The following NTRK3 variants were observed in gnomAD, a reference collection of about 807,000 sequenced individuals.
NTRK3 encodes NT-3 growth factor receptor.
NTRK3 carries 24 observed loss-of-function variants against 91.7 expected under a neutral mutation model. The observed-to-expected ratio is 0.26, with a 90% CI of 0.19 to 0.37. The LOEUF is 0.37. Among genes scored for constraint, NTRK3 ranks in the 10% least tolerant of loss-of-function variants. The pLI is 1.00. For missense variants in NTRK3, 880 were observed against 1,068.9 expected (o/e 0.82, Z 2.46); for synonymous variants, 483 against 404.0 (o/e 1.20, Z -2.34).
chr15:87,932,919 T>G, intron 16 of NTRK3, 93 bp downstream of exon 16: 1 of 1,255,708 alleles, frequency 8.0e-7, no homozygotes, highest in Non-Finnish European at 1.2e-6. Flanking sequence ...AGGAAAGTGT[T>G]TAGAGGGGGT....
chr15:88,256,405 C>T (rs928833984), exon 2 of NTRK3: 4 of 566,316 alleles, frequency 7.1e-6, no homozygotes, highest in Non-Finnish European at 1.2e-5. Flanking sequence ...CGCGGTCTGC[C>T]GGGCATGGTG....
At chr15:87,869,055 T>G in exon 19 of NTRK3, 1 of 229,086 alleles carries the variant, frequency 4.4e-6, no homozygotes, top group Non-Finnish European at 8.7e-6. Flanking sequence ...CATTAAGATA[T>G]GCTGTGAAAC....
chr15:88,129,750 C>G (rs1241722174), intron 10 of NTRK3, among the ~76,000 whole-genome samples: 1 of 152,130 alleles, frequency 6.6e-6, no homozygotes, highest in Non-Finnish European at 1.5e-5. Flanking sequence ...TCTCAATAGC[C>G]AAATGTAGGA....
chr15:87,899,075 T>A (rs1047069096), intron 17 of NTRK3, among the ~76,000 whole-genome samples: 1 of 152,130 alleles, frequency 6.6e-6, no homozygotes, highest in Non-Finnish European at 1.5e-5. Context: ...AGCCCAGTCA[T>A]TGGGATGAAT....
chr15:88,093,493 T>G (rs1484902895), intron 13 of NTRK3, among the ~76,000 whole-genome samples: 1 of 152,182 alleles, frequency 6.6e-6, no homozygotes, highest in African/African-American at 2.4e-5. Flanking sequence ...TCAGTTTCTC[T>G]CCTTAACAGA....
chr15:88,058,680 T>C (rs1052590644), intron 13 of NTRK3, among the ~76,000 whole-genome samples: 2 of 152,164 alleles, frequency 1.3e-5, no homozygotes, highest in African/African-American at 2.4e-5. Flanking sequence ...TGCACAGATA[T>C]ATCCATCCCC....
chr15:87,862,047 A>G (rs1005108421), exon 19 of NTRK3: 2 of 212,902 alleles, frequency 9.4e-6, no homozygotes, highest in African/African-American at 4.5e-5. Flanking sequence ...AAATATGGGA[A>G]GGTTCCTGGA....
intron 14 of NTRK3, among the ~76,000 whole-genome samples, chr15:87,983,841 G>A (rs1474742544): frequency 2.0e-5 from 3 of 152,176 alleles, no homozygotes; most frequent in Non-Finnish European, 4.4e-5. Context: ...GTTCTAAACA[G>A]AGGGCAGGGC....
At chr15:87,921,091 T>A (rs1484348819) in intron 17 of NTRK3, among the ~76,000 whole-genome samples, 2 of 152,216 alleles carry the variant, frequency 1.3e-5, no homozygotes, top group African/African-American at 4.8e-5. Context: ...TTTTTGCAAC[T>A]TTTCTGTACA....
chr15:87,901,059 A>G (rs80084819), intron 17 of NTRK3, among the ~76,000 whole-genome samples: 5,611 of 152,162 alleles, frequency 0.037, 235 homozygotes, highest in African/African-American at 0.1. Context: ...GGTGTAGGCC[A>G]AGGGCAGGTT....
intron 6 of NTRK3, among the ~76,000 whole-genome samples, chr15:88,141,366 A>G (rs1238987968): frequency 6.6e-6 from 1 of 152,220 alleles, no homozygotes; most frequent in African/African-American, 2.4e-5. Flanking sequence ...CCTCATGACA[A>G]GAAGAGCAGA....
chr15:88,115,607 A>G (rs900128556), intron 13 of NTRK3, among the ~76,000 whole-genome samples: 6 of 152,178 alleles, frequency 3.9e-5, no homozygotes, highest in African/African-American at 1.4e-4. Context: ...GCCCCTTTGA[A>G]TTCAAGATGC....
At chr15:88,246,210 C>T (rs940852410) in intron 3 of NTRK3, among the ~76,000 whole-genome samples, 1 of 152,212 alleles carries the variant, frequency 6.6e-6, no homozygotes, top group Non-Finnish European at 1.5e-5. Context: ...AACAGACAGA[C>T]GAGCCAACGA....
At chr15:88,201,824 G>T (rs906169235) in intron 3 of NTRK3, among the ~76,000 whole-genome samples, 20 of 152,128 alleles carry the variant, frequency 1.3e-4, no homozygotes, top group African/African-American at 4.3e-4. Flanking sequence ...CCTGTCCACT[G>T]GGTCTGCTCA....
intron 13 of NTRK3, among the ~76,000 whole-genome samples, chr15:88,085,166 G>C (rs1372724639): frequency 2.0e-5 from 3 of 152,204 alleles, no homozygotes; most frequent in Non-Finnish European, 4.4e-5. Flanking sequence ...CCTACGTTGA[G>C]AAACAGGCTG....
chr15:87,880,563 A>C (rs2065185461), intron 17 of NTRK3, 135 bp from the exon 19 acceptor site: 2 of 1,051,842 alleles, frequency 1.9e-6, no homozygotes, highest in East Asian at 2.6e-5. Flanking sequence ...TGCAACTTCT[A>C]TCAGAGGTGT....
In NTRK3 at chr15:88,038,734, G is replaced by C. The variant is rs1175473971; in HGVS notation, c.1397-5689C>G. Reference sequence around the variant, plus strand: ...GTCTAAAAGACAAAAATTTTAAAATGTAAAAAAAAAGTCCAGTCTCCCCAC... The same window carrying C: ...GTCTAAAAGACAAAAATTTTAAAATCTAAAAAAAAAGTCCAGTCTCCCCAC... On this transcript the variant is annotated intron_variant, in intron 13 of 18. Transcript: ENST00000394480. 2.6e-5 allele frequency among the ~76,000 whole-genome samples: 4 copies of C among 151,944 alleles called. No homozygotes were observed. The East Asian group carries it at 7.7e-4, about 29-fold the overall frequency.
At chr15:88,123,705 A>G (rs1342454389) in intron 13 of NTRK3, among the ~76,000 whole-genome samples, 2 of 152,324 alleles carry the variant, frequency 1.3e-5, no homozygotes, top group East Asian at 3.9e-4. Flanking sequence ...TCCGACCAGA[A>G]AGGCAGGACA....
chr15:88,123,774 G>T (rs905522649), intron 13 of NTRK3, among the ~76,000 whole-genome samples: 16 of 152,188 alleles, frequency 1.1e-4, no homozygotes, highest in African/African-American at 3.1e-4. Flanking sequence ...ATTGGCAATT[G>T]GTTGAAAGAG....
Sources: gnomAD v4.1 joint callset for allele counts (sites outside exome capture counted in the v4.1 genomes callset) on GRCh38, gnomAD v4.1.1 for gene constraint, MANE v1.5 for transcripts, NCBI Gene and HGNC (gene_info 2026-07-23, HGNC 2026-07-21) for gene names.